ACO2: variants seen among roughly 807,000 people sequenced by gnomAD.
ACO2 encodes the protein aconitase 2.
ACO2 carries 31 observed loss-of-function variants against 84.5 expected under a neutral mutation model. The ratio of observed to expected loss-of-function variants is 0.37; its 90% CI spans 0.28 to 0.50. The LOEUF is 0.50. Ranked by LOEUF, ACO2 falls within the 20% of genes least tolerant of loss-of-function variation. The pLI, the probability that ACO2 is intolerant of heterozygous loss-of-function variation, is 0.97. For missense variants in ACO2, 685 were observed against 1,029.3 expected (o/e 0.67, Z 4.58); for synonymous variants, 414 against 412.7 (o/e 1.00, Z -0.04).
chr22:41,518,022 T>C (rs2066489096), intron 7 of ACO2, among the ~76,000 whole-genome samples: 1 of 152,210 alleles, frequency 6.6e-6, no homozygotes, highest in Non-Finnish European at 1.5e-5. Context: ...AGAACCACTT[T>C]CCCAGCCTCC....
At chr22:41,493,193 C>T (rs1010601166) in intron 1 of ACO2, among the ~76,000 whole-genome samples, 3 of 152,112 alleles carry the variant, frequency 2.0e-5, no homozygotes, top group African/African-American at 7.2e-5. Flanking sequence ...CCCTTCTGAC[C>T]TAATCGCCTC....
intron 1 of ACO2, among the ~76,000 whole-genome samples, chr22:41,489,142 A>G (rs143705169): frequency 3.3e-5 from 5 of 152,148 alleles, no homozygotes; most frequent in African/African-American, 7.2e-5. Flanking sequence ...TTCTGGACTA[A>G]AGCTGTCCTT....
At chr22:41,507,033 G>A (rs1208667940) in intron 2 of ACO2, among the ~76,000 whole-genome samples, 1 of 151,978 alleles carries the variant, frequency 6.6e-6, no homozygotes, top group African/African-American at 2.4e-5. Context: ...GACAGGGCCG[G>A]ACCCCAGGGC....
intron 1 of ACO2, among the ~76,000 whole-genome samples, chr22:41,477,398 A>G (rs2038030641): frequency 6.6e-6 from 1 of 151,098 alleles, no homozygotes; most frequent in Admixed American, 6.6e-5. Context: ...TGACCTTGTG[A>G]TCCACCTGCC....
chr22:41,516,239 A>C (rs1339530296), intron 6 of ACO2: 2 of 585,282 alleles, frequency 3.4e-6, no homozygotes, highest in Non-Finnish European at 6.1e-6. Flanking sequence ...TGGGTGATCT[A>C]GACGAATCCA....
intron 1 of ACO2, among the ~76,000 whole-genome samples, chr22:41,476,819 C>G (rs1034092514): frequency 3.9e-5 from 6 of 152,084 alleles, no homozygotes; most frequent in African/African-American, 1.4e-4. Context: ...CAGATTTTCC[C>G]CTTGTAGAAT....
At chr22:41,503,994 A>T (rs1359213975) in intron 2 of ACO2, among the ~76,000 whole-genome samples, 1 of 152,082 alleles carries the variant, frequency 6.6e-6, no homozygotes, top group African/African-American at 2.4e-5. Flanking sequence ...CAGGCGGATC[A>T]CTTAAGGCCA....
chr22:41,478,193 G>C (rs1165698951), intron 1 of ACO2, among the ~76,000 whole-genome samples: 8 of 152,100 alleles, frequency 5.3e-5, no homozygotes, highest in Non-Finnish European at 2.9e-5. Context: ...GCTCAGTCTG[G>C]ATGCAGTGGC....
chr22:41,519,699 T>G (rs1199395949), intron 8 of ACO2, among the ~76,000 whole-genome samples: 1 of 151,484 alleles, frequency 6.6e-6, no homozygotes, highest in African/African-American at 2.4e-5. Context: ...TCCCAGCTAC[T>G]CGGGAGGCTG....
chr22:41,511,035 T>G (rs2066429655), intron 3 of ACO2, among the ~76,000 whole-genome samples: 2 of 152,204 alleles, frequency 1.3e-5, no homozygotes, highest in African/African-American at 4.8e-5. Context: ...AGGCAGGGTC[T>G]TGCCCTGTCA....
chr22:41,528,559 T>C lies in ACO2; in HGVS notation c.2289T>C (p.Ile763=). 5 of 1,613,094 alleles carry C rather than the reference T, an allele frequency of 3.1e-6. No individual in the cohort carries two copies. Among genetic ancestry groups the C allele is most frequent in the Non-Finnish European group, 4.2e-6 (5 of 1,180,002 alleles). ...ACCACACCTTCAACGAGACGCAGAT[T>C]GAGTGGTTCCGCGCTGGCAGTGCCC... is the stretch of plus-strand genomic sequence containing the variant. ...LLNHTFNETQ[I]EWFRAGSALN... is the part of the protein sequence containing the mutation. Residue 763 remains isoleucine, a synonymous_variant, in exon 18 of 18, where the codon ATT becomes ATC. Transcript: ENST00000216254.
At chr22:41,525,446 G>A (rs1476223105) in intron 14 of ACO2, 98 bp downstream of exon 14, 2 of 1,468,450 alleles carry the variant, frequency 1.4e-6, no homozygotes, top group Non-Finnish European at 9.3e-7. Flanking sequence ...AGTGAGCACA[G>A]TCAAGACGCA....
chr22:41,503,679 G>A (rs868319525), intron 2 of ACO2, among the ~76,000 whole-genome samples: 27 of 152,206 alleles, frequency 1.8e-4, no homozygotes, highest in African/African-American at 5.3e-4. Context: ...AAGGTGGGGG[G>A]TGGTCAGTTT....
chr22:41,525,555 G>A (rs2066576687), intron 14 of ACO2, among the ~76,000 whole-genome samples: 1 of 152,246 alleles, frequency 6.6e-6, no homozygotes, highest in African/African-American at 2.4e-5. Flanking sequence ...GGCAGAGCTA[G>A]ATCTGGCCAG....
intron 1 of ACO2, among the ~76,000 whole-genome samples, chr22:41,477,129 ATTATTTATTTATTTAT>A (rs141758153): frequency 5.2e-4 from 76 of 145,806 alleles, no homozygotes; most frequent in African/African-American, 1.5e-3. Flanking sequence ...TGGTTTCCAT[ATTATTTATTTATTTAT>A]TTATTTATTT....
chr22:41,517,568 A>T lies in ACO2; in HGVS notation c.877A>T (p.Thr293Ser). 6.2e-7 allele frequency: 1 copy of T among 1,614,094 alleles called. No individual in the cohort carries two copies. Among genetic ancestry groups the T allele is most frequent in the Non-Finnish European group, 8.5e-7 (1 of 1,180,026 alleles). ...CAACATGGGTGCAGAAATTGGGGCC[A>T]CCACTTCCGTGTTCCCTTACAACCA... The part of the protein sequence containing the change: ...ICNMGAEIGA[T>S]TSVFPYNHRM... Residue 293 changes from threonine (T) to serine (S), a missense_variant, in exon 7 of 18, where the codon ACC becomes TCC. Around this residue, in one of 5 missense-constraint regions of ACO2, gnomAD observed 311 missense variants for 441.6 expected, o/e 0.70. Transcript: ENST00000216254.
intron 1 of ACO2, among the ~76,000 whole-genome samples, chr22:41,472,275 C>G (rs2037954668): frequency 6.6e-6 from 1 of 151,960 alleles, no homozygotes; most frequent in East Asian, 1.9e-4. Flanking sequence ...ATCCCTTGAA[C>G]CCAGGAGGCG....
intron 2 of ACO2, among the ~76,000 whole-genome samples, chr22:41,503,250 T>G (rs1377732087): frequency 6.6e-6 from 1 of 152,142 alleles, no homozygotes; most frequent in Non-Finnish European, 1.5e-5. Flanking sequence ...AAAAGTCCAA[T>G]AAATTTTTTT....
chr22:41,488,360 A>C (rs1487660484), intron 1 of ACO2, among the ~76,000 whole-genome samples: 1 of 152,208 alleles, frequency 6.6e-6, no homozygotes, highest in Non-Finnish European at 1.5e-5. Flanking sequence ...TAGTCTGCTT[A>C]CTGCTCTGTG....
Sources: allele counts gnomAD v4.1 joint callset (sites outside exome capture counted in the v4.1 genomes callset), GRCh38; gene constraint gnomAD v4.1.1; regional missense constraint gnomAD v4.1.1; transcripts MANE v1.5; gene names NCBI Gene and HGNC (gene_info 2026-07-23, HGNC 2026-07-21).